The following ZNF786 variants were observed in gnomAD, a reference collection of about 807,000 sequenced individuals.
The protein encoded by ZNF786 is zinc finger protein 786.
In ZNF786, 56 loss-of-function variants were observed where a neutral mutation model predicts 63.1. The observed-to-expected ratio is 0.89, with a 90% CI of 0.72 to 1.11. The LOEUF (loss-of-function observed/expected upper bound fraction) is 1.11, where lower values mean the gene tolerates loss of function less well. Among genes scored for constraint, ZNF786 ranks in the 50% least tolerant of loss-of-function variants. The pLI, the probability that ZNF786 is intolerant of heterozygous loss-of-function variation, is 0.00. For missense variants in ZNF786, 1,213 were observed against 1,041.8 expected (o/e 1.16, Z -2.26); for synonymous variants, 485 against 406.9 (o/e 1.19, Z -2.31).
intron 1 of ZNF786, among the ~76,000 whole-genome samples, 188 bp downstream of exon 1, chr7:149,090,435 C>A (rs1286011777): frequency 6.6e-6 from 1 of 152,244 alleles, no homozygotes; most frequent in Non-Finnish European, 1.5e-5. Flanking sequence ...ACGGACAAGC[C>A]GCGGGAGCGG....
chr7:149,087,642 T>C (rs1825759128), intron 1 of ZNF786, among the ~76,000 whole-genome samples: 1 of 152,164 alleles, frequency 6.6e-6, no homozygotes, highest in Admixed American at 6.6e-5. Context: ...AAACATCAGA[T>C]TACCCTGTGT....
chr7:149,072,516 G>C (rs1319518188), intron 3 of ZNF786, 43 bp from the exon 4 acceptor site: 1 of 1,501,274 alleles, frequency 6.7e-7, no homozygotes, highest in Non-Finnish European at 8.8e-7. Context: ...CCTGTCTGCA[G>C]CACTACTAGC....
At chr7:149,082,682 G>A (rs1308601581) in intron 1 of ZNF786, among the ~76,000 whole-genome samples, 1 of 151,684 alleles carries the variant, frequency 6.6e-6, no homozygotes, top group Non-Finnish European at 1.5e-5. Context: ...CCAGATGCAA[G>A]CAATTCTCCT....
In ZNF786 at chr7:149,075,655, G is replaced by GTTTTTTTTTTTTT. The variant is rs1165713050; in HGVS notation, c.146-1130_146-1118dup. On this transcript the variant is annotated intron_variant, in intron 2 of 3. Coordinates refer to ENST00000491431, the MANE Select transcript of ZNF786 (RefSeq NM_152411.4). ...ATCCTACTGTGCTGACACACTTCAG[G>GTTTTTTTTTTTTT]TTTTTTTTTTTTTTTTTTTTTTTTT... is the stretch of plus-strand genomic sequence containing the variant. Among the ~76,000 whole-genome samples, 8 of 69,468 alleles carry GTTTTTTTTTTTTT rather than the reference G, an allele frequency of 1.2e-4. 1 individual carries two copies. Among genetic ancestry groups the GTTTTTTTTTTTTT allele is most frequent in the African/African-American group, 3.0e-4 (5 of 16,882 alleles). The allele number at this position is 69,468 out of a possible 152,430, so 45.6% of individuals were successfully genotyped here.
intron 1 of ZNF786, among the ~76,000 whole-genome samples, chr7:149,081,435 C>CAAAAAAA (rs749538585): frequency 6.5e-5 from 3 of 46,226 alleles, no homozygotes; most frequent in African/African-American, 7.0e-5. Flanking sequence ...GACTCGGTCT[C>CAAAAAAA]AAAAAAAAAA....
At chr7:149,082,310 G>A (rs903115407) in intron 1 of ZNF786, among the ~76,000 whole-genome samples, 1 of 152,070 alleles carries the variant, frequency 6.6e-6, no homozygotes, top group Non-Finnish European at 1.5e-5. Flanking sequence ...ACTAGCAACT[G>A]GTTTTGAATT....
chr7:149,072,023 C>T lies in ZNF786; in HGVS notation c.749G>A (p.Arg250His), dbSNP rs765306158. The change falls in exon 4 of 4, where the codon CGC (arginine) becomes CAC (histidine). Residue 250 changes from arginine (R) to histidine (H), a missense_variant. Physicochemically the swap from Arg to His is conservative, Grantham distance 29 (BLOSUM62 0). Transcript: ENST00000491431. ...FRCGVCGKSF[R>H]RKLCLLRHLA... ...ATGGCGCAGCAGACACAGCTTCCGG[C>T]GGAAGCTCTTACCGCACACGCCACA... 16 of 1,612,896 alleles carry T rather than the reference C, an allele frequency of 9.9e-6. No individual in the cohort carries two copies. Among genetic ancestry groups the T allele is most frequent in the African/African-American group, 2.7e-5 (2 of 74,932 alleles).
intron 3 of ZNF786, among the ~76,000 whole-genome samples, chr7:149,073,737 GTGTGTGTGTGTATATA>G (rs1825481084): frequency 2.9e-5 from 2 of 67,798 alleles, no homozygotes; most frequent in African/African-American, 1.3e-4. Flanking sequence ...GTGTGTGTGT[GTGTGTGTGTGTATATA>G]TATATATATA....
chr7:149,081,622 A>G (rs1337376054), intron 1 of ZNF786, among the ~76,000 whole-genome samples: 1 of 152,094 alleles, frequency 6.6e-6, no homozygotes, highest in East Asian at 1.9e-4. Flanking sequence ...CTTGCTATTA[A>G]CATGAGACTT....
At position 149,071,374 on chromosome 7, in the gene ZNF786, T is replaced by C. The variant is rs747358062; in HGVS notation, c.1398A>G (p.Gly466=). The C allele has an allele frequency of 6.2e-7, 1 of 1,612,698 alleles. No individual in the cohort carries two copies. Among genetic ancestry groups the C allele is most frequent in the African/African-American group, 1.3e-5 (1 of 74,764 alleles). The part of the protein sequence containing the change: ...AKCGRNFRQR[G]QLLRHQRLHT... ...GCAGCCGCTGGTGCCGCAGCAGCTG[T>C]CCCCTCTGACGGAAGTTCCTGCCAC... Residue 466 remains glycine (G), a synonymous_variant, in exon 4 of 4, where the codon GGA becomes GGG. Coordinates refer to ENST00000491431, the MANE Select transcript of ZNF786 (RefSeq NM_152411.4).
chr7:149,071,317 C>T lies in ZNF786; in HGVS notation c.1455G>A (p.Glu485=). The T allele has an allele frequency of 6.2e-7, 1 of 1,612,930 alleles. No homozygotes were observed. The highest frequency in any genetic ancestry group is 1.3e-5 in the African/African-American group (1 of 74,832). ...TCTCCAGGCGGAAGCTCAGCCCACA[C>T]TCTGGGCACTGAAAGGGCTTCTCGT... ...HTDEKPFQCP[E]CGLSFRLESM... is the part of the protein sequence containing the mutation. The change falls in exon 4 of 4, where the codon GAG becomes GAA. Residue 485 remains glutamate, a synonymous_variant. Coordinates refer to ENST00000491431, the MANE Select transcript of ZNF786 (RefSeq NM_152411.4).
At chr7:149,073,726 T>TGTGTGTGC (rs1825478911) in intron 3 of ZNF786, among the ~76,000 whole-genome samples, 1 of 52,508 alleles carries the variant, frequency 1.9e-5, no homozygotes, top group South Asian at 7.3e-4. Context: ...TATGTGTGCG[T>TGTGTGTGC]GTGTGTGTGT....
chr7:149,090,558 A>G, intron 1 of ZNF786, 65 bp downstream of exon 1: 1 of 1,470,210 alleles, frequency 6.8e-7, no homozygotes, highest in Non-Finnish European at 9.1e-7. Context: ...GACACGGGCG[A>G]GCCCGGAACC....
chr7:149,073,312 A>C (rs892104723), intron 3 of ZNF786, among the ~76,000 whole-genome samples: 1 of 152,248 alleles, frequency 6.6e-6, no homozygotes, highest in Non-Finnish European at 1.5e-5. Flanking sequence ...AAGAAATGAA[A>C]GAGAGGAGCT....
chr7:149,071,817 T>G lies in ZNF786; in HGVS notation c.955A>C (p.Ser319Arg). 6.3e-7 allele frequency: 1 copy of G among 1,589,266 alleles called. No individual in the cohort carries two copies. The highest frequency in any genetic ancestry group is 8.5e-7 in the Non-Finnish European group (1 of 1,172,734). Residue 319 changes from serine to arginine, a missense_variant, in exon 4 of 4, where the codon AGC becomes CGC. Physicochemically the swap from Ser to Arg is moderately radical, Grantham distance 110. Transcript: ENST00000491431. ...DSTQARRCQH[S>R]REGPASWREG... ...CTCCAAGAGGCCGGCCCCTCCCGGC[T>G]GTGCTGGCACCGGCGAGCCTGCGTG...
rs373603813 is a variant in ZNF786, at chr7:149,071,116, C to A, written c.1656G>T (p.Leu552=). 2.9e-5 allele frequency: 47 copies of A among 1,611,282 alleles called. No homozygotes were observed. In the African/African-American group the frequency reaches 5.9e-4, roughly 20 times the overall value. Reference sequence around the variant, plus strand: ...TGCTGTGCGTGTGCTGGTGGGCCTTCAGGATGCCCTTCAGGCGGAAGCGCT... The same window carrying A: ...TGCTGTGCGTGTGCTGGTGGGCCTTAAGGATGCCCTTCAGGCGGAAGCGCT... The part of the protein sequence containing the change: ...CDKRFRLKGI[L]KAHQHTHSKE... Residue 552 remains leucine (L), a synonymous_variant, in exon 4 of 4, where the codon CTG becomes CTT. Transcript: ENST00000491431.
chr7:149,071,619 C>A lies in ZNF786; in HGVS notation c.1153G>T (p.Ala385Ser). Residue 385 changes from alanine (A) to serine (S), a missense_variant, in exon 4 of 4, where the codon GCC becomes TCC. Physicochemically the swap from Ala to Ser is moderately conservative, Grantham distance 99. Transcript: ENST00000491431. ...CCAGTATGCGCCCTGCAGGGGCTGG[C>A]GAGCCTGGCGCTCATAGGGGAGCGC... ...GERSPMSARL[A>S]SPCRAHTGEK... 6.3e-7 allele frequency: 1 copy of A among 1,588,990 alleles called. No individual in the cohort carries two copies. Among genetic ancestry groups the A allele is most frequent in the South Asian group, 1.1e-5 (1 of 88,746 alleles).
rs1195244565 is a variant in ZNF786 at position 149,071,717 on chromosome 7, C to T, written c.1055G>A (p.Ser352Asn). 1.9e-6 allele frequency: 3 copies of T among 1,582,056 alleles called. No homozygotes were observed. The highest frequency in any genetic ancestry group is 2.3e-5 in the South Asian group (2 of 88,762). Reference sequence around the variant, plus strand: ...CGCCTCCGTGTCCCCTTCCTGGTGGCTGTTCCCCTCCTGGGGCAGGCGCGA... The same window carrying T: ...CGCCTCCGTGTCCCCTTCCTGGTGGTTGTTCCCCTCCTGGGGCAGGCGCGA... ...PGSRLPQEGNSHQEGDTEALQ... is the reference protein window; with the variant it reads ...PGSRLPQEGNNHQEGDTEALQ... The change falls in exon 4 of 4, where the codon AGC (serine) becomes AAC (asparagine). Residue 352 changes from serine (S) to asparagine (N), a missense_variant. Ser to Asn is a conservative substitution (Grantham distance 46). Coordinates refer to ENST00000491431, the MANE Select transcript of ZNF786 (RefSeq NM_152411.4).
Position 149,070,829 on chromosome 7 carries a change from G to A in ZNF786, c.1943C>T (p.Pro648Leu), listed in dbSNP as rs765062697. The change falls in exon 4 of 4, where the codon CCT becomes CTT. Residue 648 changes from proline (P) to leucine (L), a missense_variant. Coordinates refer to ENST00000491431, the MANE Select transcript of ZNF786 (RefSeq NM_152411.4). The part of the protein sequence containing the change: ...AHQLLHSGEM[P>L]FSCECGKGFV... ...GCCCTTGCCGCACTCACAGGAGAAA[G>A]GCATCTCCCCGCTGTGCAGCAGCTG... 2.4e-5 allele frequency: 38 copies of A among 1,613,620 alleles called. No homozygotes were observed. Among genetic ancestry groups the A allele is most frequent in the Non-Finnish European group, 2.7e-5 (32 of 1,179,906 alleles).
Sources: gnomAD v4.1 joint callset for allele counts (sites outside exome capture counted in the v4.1 genomes callset) on GRCh38, gnomAD v4.1.1 for gene constraint, MANE v1.5 for transcripts, NCBI Gene and HGNC (gene_info 2026-07-23, HGNC 2026-07-21) for gene names.